Variants in DYNC2I2 observed in about 807,000 individuals in gnomAD.
DYNC2I2 encodes the protein dynein 2 intermediate chain 2, also known as cytoplasmic dynein 2 intermediate chain 2.
A neutral mutation model predicts 52.0 loss-of-function variants in DYNC2I2; 39 were observed. The ratio of observed to expected loss-of-function variants is 0.75; its 90% CI spans 0.58 to 0.98. The LOEUF (loss-of-function observed/expected upper bound fraction) is 0.98, where lower values mean the gene tolerates loss of function less well. DYNC2I2 is among the 50% of genes least tolerant of loss of function. The pLI is 0.00. For missense variants in DYNC2I2, 743 were observed against 728.4 expected, an observed-to-expected ratio of 1.02 and a Z score of -0.23; for synonymous variants, 359 against 321.1, an observed-to-expected ratio of 1.12 and a Z score of -1.26.
chr9:128,681,113 C>T, the DYNC2I2 span, among the ~76,000 whole-genome samples: 10 of 152,076 alleles, frequency 6.6e-5, no homozygotes, highest in Admixed American at 3.9e-4. Context: ...TTTTTAGAGA[C>T]GGAGTCTCAC....
the DYNC2I2 span, among the ~76,000 whole-genome samples, chr9:128,682,761 C>T: frequency 1.3e-5 from 2 of 150,442 alleles, no homozygotes; most frequent in African/African-American, 2.5e-5. Flanking sequence ...CTGCAAGCTC[C>T]GCCTCCCGGG....
At chr9:128,678,796 G>A in the DYNC2I2 span, among the ~76,000 whole-genome samples, 12 of 151,902 alleles carry the variant, frequency 7.9e-5, no homozygotes, top group East Asian at 1.4e-3. Context: ...AGGGCCAGGC[G>A]TGGTGGCTCA....
At chr9:128,649,688 C>CAA (rs34154610) in intron 1 of DYNC2I2, among the ~76,000 whole-genome samples, 1,134 of 46,976 alleles carry the variant, frequency 0.024, 64 homozygotes, top group East Asian at 0.054. Context: ...GACTCCATCT[C>CAA]AAAAAAAAAA....
intron 6 of DYNC2I2, 43 bp downstream of exon 6, chr9:128,635,049 G>A (rs1860359350): frequency 6.3e-7 from 1 of 1,590,930 alleles, no homozygotes; most frequent in Non-Finnish European, 8.6e-7. Flanking sequence ...CACCCCCAAG[G>A]CTCACCGGCG....
At chr9:128,645,053 G>T (rs1481743178) in intron 1 of DYNC2I2, among the ~76,000 whole-genome samples, 1 of 152,030 alleles carries the variant, frequency 6.6e-6, no homozygotes, top group Non-Finnish European at 1.5e-5. Flanking sequence ...AGACAATATT[G>T]AAAGTAAGCC....
chr9:128,659,759 T>C (rs1035900040), upstream of DYNC2I2, among the ~76,000 whole-genome samples: 1 of 151,410 alleles, frequency 6.6e-6, no homozygotes, highest in Admixed American at 6.6e-5. Flanking sequence ...AAATACAAAA[T>C]TAGCGAGGCG....
chr9:128,642,865 G>C (rs773661563), intron 1 of DYNC2I2, among the ~76,000 whole-genome samples: 1 of 152,170 alleles, frequency 6.6e-6, no homozygotes, highest in Non-Finnish European at 1.5e-5. Flanking sequence ...GCTTACATAG[G>C]GGTGGGGAGA....
intron 5 of DYNC2I2, 135 bp from the exon 6 acceptor site, chr9:128,635,394 A>C (rs1240357354): frequency 8.6e-7 from 1 of 1,168,244 alleles, no homozygotes; most frequent in African/African-American, 1.6e-5. Context: ...CTCACCCACC[A>C]GGGGGCAGGC....
the DYNC2I2 span, among the ~76,000 whole-genome samples, chr9:128,680,562 A>G: frequency 6.6e-6 from 1 of 150,984 alleles, no homozygotes; most frequent in Admixed American, 6.6e-5. Context: ...TATTTTTAGT[A>G]GAGACGGGGT....
Position 128,635,671 on chromosome 9 carries a change from T to C in DYNC2I2, c.800A>G (p.Asp267Gly). ...RTGLTDDTHT[D>G]PVSQVVWLPE... ...CCCTGCCCTGACCTGGGACACAGGG[T>C]CTGTGTGGGTGTCATCCGTCAGGCC... Residue 267 changes from aspartate (D) to glycine (G), a missense_variant, in exon 5 of 9, where the codon GAC becomes GGC. By Grantham distance (94) the Asp-to-Gly change is moderately conservative. Transcript: ENST00000372715. 6.2e-7 allele frequency: 1 copy of C among 1,607,852 alleles called. No homozygotes were observed. Among genetic ancestry groups the C allele is most frequent in the Non-Finnish European group, 8.5e-7 (1 of 1,177,162 alleles).
chr9:128,656,858 C>T (rs1860840580), upstream of DYNC2I2: 2 of 928,486 alleles, frequency 2.2e-6, no homozygotes, highest in East Asian at 3.3e-5. Context: ...TCCTGCAAGA[C>T]CTGGAAGAAA....
At chr9:128,673,354 T>G in the DYNC2I2 span, among the ~76,000 whole-genome samples, 1,590 of 152,274 alleles carry the variant, frequency 0.01, 19 homozygotes, top group African/African-American at 0.036. Flanking sequence ...GTTTTGTTTG[T>G]TTGTTTTCAA....
At chr9:128,634,952 G>A in intron 6 of DYNC2I2, 31 bp from the exon 7 acceptor site, 2 of 1,608,042 alleles carry the variant, frequency 1.2e-6, no homozygotes, top group African/African-American at 1.3e-5. Context: ...CAGGGTCAGA[G>A]CCAAGGGCAT....
intron 2 of DYNC2I2, among the ~76,000 whole-genome samples, chr9:128,638,261 G>A (rs529384722): frequency 4.2e-4 from 64 of 151,156 alleles, no homozygotes; most frequent in African/African-American, 1.5e-3. Flanking sequence ...GCTCATGCCT[G>A]TAATCCCAGC....
chr9:128,635,145 C>CT lies in DYNC2I2; in HGVS notation c.927dup (p.Glu310ArgfsTer37), dbSNP rs1294995602. On this transcript the variant is annotated frameshift_variant, in exon 6 of 9. Coordinates refer to ENST00000372715, the MANE Select transcript of DYNC2I2 (RefSeq NM_052844.4). LOFTEE classifies it high-confidence loss of function. The stretch of plus-strand genomic sequence containing the variant: ...TGCTGCATGACCAGGGCGAAGCCCT[C>CT]TGTGAGCTGCAGCTGGCCTACCCCG... 6.2e-7 allele frequency: 1 copy of CT among 1,613,366 alleles called. No homozygotes were observed.
intron 1 of DYNC2I2, among the ~76,000 whole-genome samples, chr9:128,642,361 CAGG>C (rs1205126382): frequency 1.4e-5 from 2 of 143,846 alleles, no homozygotes; most frequent in Admixed American, 1.5e-4. Flanking sequence ...AAGGCTGAGG[CAGG>C]AGAACTGCTT....
chr9:128,638,281 G>A (rs1234913715), intron 2 of DYNC2I2, among the ~76,000 whole-genome samples: 1 of 151,550 alleles, frequency 6.6e-6, no homozygotes, highest in Admixed American at 6.6e-5. Flanking sequence ...CACTTTGGGA[G>A]GCGGAGGCGG....
the DYNC2I2 span, among the ~76,000 whole-genome samples, chr9:128,680,048 C>G: frequency 6.6e-6 from 1 of 151,630 alleles, no homozygotes; most frequent in African/African-American, 2.4e-5. Context: ...TGTTTTAGTA[C>G]TTTATTTCTT....
At position 128,633,722 on chromosome 9, in the gene DYNC2I2, T is replaced by G. The variant is rs1860223562; in HGVS notation, c.*22A>C. ...CACAAGGCTCGGCACAGCGAAGGCT[T>G]GCACCCGCCTCCCGGGACCCCTCAG... On this transcript the variant is annotated 3_prime_UTR_variant, in exon 9 of 9. Transcript: ENST00000372715. 6.2e-7 allele frequency: 1 copy of G among 1,607,246 alleles called. No homozygotes were observed. Among genetic ancestry groups the G allele is most frequent in the Admixed American group, 1.7e-5 (1 of 59,924 alleles).
Sources: allele counts gnomAD v4.1 joint callset (sites outside exome capture counted in the v4.1 genomes callset), GRCh38; gene constraint gnomAD v4.1.1; transcripts MANE v1.5; gene names NCBI Gene and HGNC (gene_info 2026-07-23, HGNC 2026-07-21).